The following MTO1 variants were observed in gnomAD, a reference collection of about 807,000 sequenced individuals.
MTO1 encodes mitochondrial tRNA translation optimization 1.
Under a neutral mutation model 71.6 loss-of-function variants are expected in MTO1, and 46 were observed. That is an observed-to-expected ratio of 0.64 (90% CI 0.51 to 0.82). The LOEUF is 0.82. Ranked by LOEUF, MTO1 falls within the 40% of genes least tolerant of loss-of-function variation. The probability of loss-of-function intolerance (pLI) is 0.00; values close to 1 mark genes in which losing one functional copy is unlikely to be tolerated. For synonymous variants in MTO1, 297 were observed against 312.1 expected (o/e 0.95, Z 0.51); for missense variants, 773 against 867.5 (o/e 0.89, Z 1.37).
Position 73,480,778 on chromosome 6 carries a change from C to T in MTO1, c.1233C>T (p.Thr411=), listed in dbSNP as rs1305969495. The change falls in exon 7 of 12, where the codon ACC becomes ACT. Residue 411 remains threonine, a synonymous_variant. Coordinates refer to ENST00000498286, the MANE Select transcript of MTO1 (RefSeq NM_012123.4). ...TCTTTGCTGGACAGATCAATGGCAC[C>T]ACTGGTTATGAGGAAGCTGCAGCTC... ...RLFFAGQING[T]TGYEEAAAQG... is the part of the protein sequence containing the mutation. 1.9e-6 allele frequency: 3 copies of T among 1,613,964 alleles called. No homozygotes were observed. Among genetic ancestry groups the T allele is most frequent in the Admixed American group, 3.3e-5 (2 of 59,960 alleles).
rs759931419 is a variant in MTO1, at chr6:73,466,273, T to C, written c.282T>C (p.Asp94=). The change falls in exon 2 of 12, where the codon GAT becomes GAC. Residue 94 remains aspartate (D), a synonymous_variant. Coordinates refer to ENST00000498286, the MANE Select transcript of MTO1 (RefSeq NM_012123.4). ...IGKGHLMREV[D]ALDGLCSRIC... is the part of the protein sequence containing the mutation. ...AGGGACATTTAATGAGGGAAGTAGA[T>C]GCCTTGGATGGCCTGTGTTCTCGCA... 2.5e-6 allele frequency: 4 copies of C among 1,614,146 alleles called. No individual in the cohort carries two copies. The highest frequency in any genetic ancestry group is 3.4e-6 in the Non-Finnish European group (4 of 1,179,968).
At chr6:73,464,647 A>T (rs1770923910) in intron 1 of MTO1, among the ~76,000 whole-genome samples, 1 of 148,918 alleles carries the variant, frequency 6.7e-6, no homozygotes, top group South Asian at 2.1e-4. Context: ...CCCAAGAATG[A>T]TCAATAAATA....
At chr6:73,498,022 TG>T in intron 11 of MTO1, 126 bp downstream of exon 11, 4 of 848,354 alleles carry the variant, frequency 4.7e-6, no homozygotes, top group Non-Finnish European at 6.9e-6. Context: ...ACTTCCAGCA[TG>T]GGCAACACAG....
chr6:73,479,681 A>T (rs1771429345), intron 4 of MTO1, 51 bp from the exon 5 acceptor site: 1 of 1,425,822 alleles, frequency 7.0e-7, no homozygotes, highest in African/African-American at 1.4e-5. Flanking sequence ...TGGATAAGAG[A>T]GAAACTAGTA....
At chr6:73,463,697 A>C (rs1157841965) in intron 1 of MTO1, among the ~76,000 whole-genome samples, 1 of 152,006 alleles carries the variant, frequency 6.6e-6, no homozygotes, top group Non-Finnish European at 1.5e-5. Context: ...ATTTCCTAAA[A>C]GATTATACTT....
At chr6:73,469,551 G>A (rs1414278928) in intron 3 of MTO1, among the ~76,000 whole-genome samples, 1 of 152,134 alleles carries the variant, frequency 6.6e-6, no homozygotes, top group East Asian at 1.9e-4. Context: ...GAACCCAGGA[G>A]GCGGAGGTTG....
Position 73,466,516 on chromosome 6 carries a change from A to G in MTO1, c.445A>G (p.Thr149Ala). The change falls in exon 3 of 12, where the codon ACT (threonine) becomes GCT (alanine). Residue 149 changes from threonine to alanine, a missense_variant. Transcript: ENST00000498286. ...AGAAATCTTGAATACACCACTGCTT[A>G]CTGTTCAGGAGGGAGCTGTAGAAGA... The part of the protein sequence containing the change: ...QKEILNTPLL[T>A]VQEGAVEDLI... 3.1e-6 allele frequency: 5 copies of G among 1,614,192 alleles called. No individual in the cohort carries two copies. Among genetic ancestry groups the G allele is most frequent in the Non-Finnish European group, 4.2e-6 (5 of 1,180,022 alleles).
chr6:73,492,518 A>G (rs924311065), intron 10 of MTO1, among the ~76,000 whole-genome samples, 166 bp downstream of exon 10: 7 of 152,172 alleles, frequency 4.6e-5, no homozygotes, highest in African/African-American at 1.4e-4. Flanking sequence ...TGTTAGAAAT[A>G]CAGAATCTTG....
chr6:73,485,127 T>A (rs1181002345), intron 9 of MTO1, among the ~76,000 whole-genome samples: 1 of 152,068 alleles, frequency 6.6e-6, no homozygotes, highest in East Asian at 1.9e-4. Flanking sequence ...TAATAGGAAC[T>A]TGCATTGAAT....
intron 4 of MTO1, among the ~76,000 whole-genome samples, chr6:73,475,259 G>T (rs561381980): frequency 6.6e-6 from 1 of 152,012 alleles, no homozygotes; most frequent in African/African-American, 2.4e-5. Flanking sequence ...GACCGCACCT[G>T]GTCAAATAGG....
rs1486808414 is a variant in MTO1, at chr6:73,466,523, A to G, written c.452A>G (p.Gln151Arg). Residue 151 changes from glutamine (Q) to arginine (R), a missense_variant, in exon 3 of 12, where the codon CAG becomes CGG. Gln to Arg is a conservative substitution (Grantham distance 43). Transcript: ENST00000498286. Reference protein sequence around the residue: ...EILNTPLLTVQEGAVEDLILT... With the variant: ...EILNTPLLTVREGAVEDLILT... ...TTGAATACACCACTGCTTACTGTTC[A>G]GGAGGGAGCTGTAGAAGATCTTATT... 3 of 1,614,076 alleles carry G rather than the reference A, an allele frequency of 1.9e-6. No homozygotes were observed. The highest frequency in any genetic ancestry group is 2.5e-6 in the Non-Finnish European group (3 of 1,180,036).
chr6:73,464,333 A>G (rs907626368), intron 1 of MTO1, among the ~76,000 whole-genome samples: 3 of 152,174 alleles, frequency 2.0e-5, no homozygotes, highest in Admixed American at 6.6e-5. Flanking sequence ...AGAGAGACTA[A>G]GGTATGTTAG....
Position 73,482,615 on chromosome 6 carries a change from T to TGTC in MTO1, c.1633_1635dup (p.Val545dup), listed in dbSNP as rs1771538637. 6.3e-7 allele frequency: 1 copy of TGTC among 1,594,296 alleles called. No individual in the cohort carries two copies. The highest frequency in any genetic ancestry group is 1.4e-5 in the African/African-American group (1 of 73,424). The stretch of plus-strand genomic sequence containing the variant: ...CTATAAGTACTAGTAGAAGTCTGCC[T>TGTC]GTCAGGTATGCATTTTTAATATAGA... On this transcript the variant is annotated inframe_insertion, in exon 9 of 12. Transcript: ENST00000498286.
At chr6:73,491,396 CAAA>C (rs1223217073) in intron 9 of MTO1, among the ~76,000 whole-genome samples, 44 of 133,712 alleles carry the variant, frequency 3.3e-4, no homozygotes, top group Middle Eastern at 4.0e-3. Context: ...CCTGTCTCTA[CAAA>C]AAAAAAAAAA....
At chr6:73,488,137 A>T (rs1285401872) in intron 9 of MTO1, among the ~76,000 whole-genome samples, 1 of 152,112 alleles carries the variant, frequency 6.6e-6, no homozygotes, top group Non-Finnish European at 1.5e-5. Context: ...TTGGAGAAGT[A>T]TCTATTCAAA....
intron 10 of MTO1, among the ~76,000 whole-genome samples, chr6:73,497,198 G>A (rs1210492120): frequency 8.9e-6 from 1 of 112,466 alleles, no homozygotes; most frequent in Non-Finnish European, 1.7e-5. Flanking sequence ...TGTCGCCCAG[G>A]CTGGAGTGCA....
chr6:73,471,980 C>A (rs1349650937), intron 3 of MTO1, among the ~76,000 whole-genome samples: 1 of 148,848 alleles, frequency 6.7e-6, no homozygotes, highest in Non-Finnish European at 1.5e-5. Flanking sequence ...GAAGAATAAA[C>A]CTCCATTTTA....
rs78737673 is a variant in MTO1, at chr6:73,505,537, AT to A, written c.*4805del. 0.14 allele frequency: 21,096 copies of A among 152,124 alleles called. 1,844 individuals carry two copies. The highest frequency in any genetic ancestry group is 0.2 in the East Asian group (1,052 of 5,164). 9.4% of individuals were successfully genotyped at this position (152,124 alleles called of 1,614,324 possible). Reference sequence around the variant, plus strand: ...GAAACTATTCTTTAGTGAGTACAGAATTTCAGTTTTTTTGTTTTGTTTTTGT... The same window carrying A: ...GAAACTATTCTTTAGTGAGTACAGAATTCAGTTTTTTTGTTTTGTTTTTGT... On this transcript the variant is annotated 3_prime_UTR_variant, in exon 12 of 12. Coordinates refer to ENST00000498286, the MANE Select transcript of MTO1 (RefSeq NM_012123.4).
At position 73,473,396 on chromosome 6, in the gene MTO1, G is replaced by A; in HGVS notation, c.567G>A (p.Val189=). The change falls in exon 4 of 12, where the codon GTG becomes GTA. Residue 189 remains valine, a synonymous_variant. Coordinates refer to ENST00000498286, the MANE Select transcript of MTO1 (RefSeq NM_012123.4). ...GAAGCACAGTATATGCAGAGAGTGTGATTCTGACTACTGGGACATTTCTGA... is the reference window on the plus strand; with the variant it reads ...GAAGCACAGTATATGCAGAGAGTGTAATTCTGACTACTGGGACATTTCTGA... ...VDGSTVYAES[V]ILTTGTFLRG... is the part of the protein sequence containing the mutation. 1 of 1,614,092 alleles carries A rather than the reference G, an allele frequency of 6.2e-7. No individual in the cohort carries two copies. The highest frequency in any genetic ancestry group is 8.5e-7 in the Non-Finnish European group (1 of 1,179,994).
Sources: allele counts gnomAD v4.1 joint callset (sites outside exome capture counted in the v4.1 genomes callset), GRCh38; gene constraint gnomAD v4.1.1; transcripts MANE v1.5; gene names NCBI Gene and HGNC (gene_info 2026-07-23, HGNC 2026-07-21).